Variants in ENTREP1 observed in about 807,000 individuals in gnomAD.
ENTREP1 encodes Friedreich ataxia region gene X123.
chr9:69,374,131 G>A, the ENTREP1 span, among the ~76,000 whole-genome samples: 1 of 152,058 alleles, frequency 6.6e-6, no homozygotes, highest in African/African-American at 2.4e-5. Flanking sequence ...TTTTGTGTCT[G>A]ACTTATTTTG....
chr9:69,367,722 TATATAAAA>T, the ENTREP1 span, among the ~76,000 whole-genome samples: 1 of 69,122 alleles, frequency 1.4e-5, no homozygotes, highest in Non-Finnish European at 3.4e-5. Flanking sequence ...TATACACATA[TATATAAAA>T]ATATATATAT....
At chr9:69,391,493 TCA>T in the ENTREP1 span, 2 of 891,918 alleles carry the variant, frequency 2.2e-6, no homozygotes, top group Non-Finnish European at 3.5e-6. Flanking sequence ...TTTTTCTTTT[TCA>T]AAGCAATTAC....
At chr9:69,364,389 AT>A in the ENTREP1 span, among the ~76,000 whole-genome samples, 64,928 of 150,322 alleles carry the variant, frequency 0.43, 14,309 homozygotes, top group African/African-American at 0.53. Flanking sequence ...CCCTGCAATG[AT>A]TTTTTTTTTT....
the ENTREP1 span, among the ~76,000 whole-genome samples, chr9:69,335,090 G>GT: frequency 0.01 from 1,538 of 152,090 alleles, 23 homozygotes; most frequent in African/African-American, 0.035. Flanking sequence ...TTTTTAGCTC[G>GT]TTTTTTATTG....
chr9:69,387,763 A>C, the ENTREP1 span: 1 of 506,858 alleles, frequency 2.0e-6, no homozygotes, highest in Non-Finnish European at 3.2e-6. Flanking sequence ...TTAATTGACT[A>C]CTTCATCCTC....
the ENTREP1 span, chr9:69,325,415 C>T: frequency 1.8e-4 from 182 of 1,034,550 alleles, no homozygotes; most frequent in Middle Eastern, 0.01. Flanking sequence ...CGCTCAGGAG[C>T]CGCCGCTGCC....
the ENTREP1 span, chr9:69,375,653 C>A: frequency 9.0e-7 from 1 of 1,113,454 alleles, no homozygotes; most frequent in South Asian, 1.4e-5. Flanking sequence ...TCATCTCATT[C>A]TACAGGATTG....
At chr9:69,350,970 A>G in the ENTREP1 span, among the ~76,000 whole-genome samples, 4 of 152,240 alleles carry the variant, frequency 2.6e-5, no homozygotes, top group African/African-American at 9.6e-5. Context: ...TAAAATGAAC[A>G]TGAGTGATTA....
At chr9:69,359,160 C>T in the ENTREP1 span, among the ~76,000 whole-genome samples, 1 of 152,108 alleles carries the variant, frequency 6.6e-6, no homozygotes, top group African/African-American at 2.4e-5. Flanking sequence ...CCCGCCTCAG[C>T]CTCCTAAAGT....
the ENTREP1 span, chr9:69,325,715 G>A: frequency 8.1e-7 from 1 of 1,228,630 alleles, no homozygotes; most frequent in Non-Finnish European, 1.0e-6. Flanking sequence ...GTTCTGGGCC[G>A]GCTCCTCGGT....
the ENTREP1 span, among the ~76,000 whole-genome samples, chr9:69,330,829 A>T: frequency 1.4e-3 from 211 of 152,114 alleles, 1 homozygote; most frequent in Non-Finnish European, 2.1e-3. Context: ...TTCAGTGCTG[A>T]TTTTGTCAGG....
chr9:69,371,660 A>G, the ENTREP1 span: 2 of 1,237,792 alleles, frequency 1.6e-6, no homozygotes, highest in Non-Finnish European at 2.4e-6. Flanking sequence ...CTGGCTTGTC[A>G]GGTGTTCCTG....
chr9:69,332,048 A>T, the ENTREP1 span, among the ~76,000 whole-genome samples: 2,327 of 152,258 alleles, frequency 0.015, 41 homozygotes, highest in African/African-American at 0.051. Context: ...GATGAAATGG[A>T]AGCATCATTC....
chr9:69,342,723 C>T, the ENTREP1 span, among the ~76,000 whole-genome samples: 1 of 152,226 alleles, frequency 6.6e-6, no homozygotes, highest in Non-Finnish European at 1.5e-5. Context: ...GATAAAATCT[C>T]CAAGAGAAGA....
chr9:69,382,872 C>CTT, the ENTREP1 span: 1 of 268,198 alleles, frequency 3.7e-6, no homozygotes, highest in Non-Finnish European at 5.7e-6. Context: ...CTTTTGTTCT[C>CTT]TTTTTTTTTC....
At chr9:69,346,650 C>T in the ENTREP1 span, among the ~76,000 whole-genome samples, 1 of 152,096 alleles carries the variant, frequency 6.6e-6, no homozygotes, top group Non-Finnish European at 1.5e-5. Context: ...CAGACTTTGC[C>T]TATAAATTGT....
chr9:69,367,728 A>AATATATATATACACATATATATAT, the ENTREP1 span, among the ~76,000 whole-genome samples: 1 of 49,148 alleles, frequency 2.0e-5, no homozygotes, highest in African/African-American at 6.2e-5. Flanking sequence ...CATATATATA[A>AATATATATATACACATATATATAT]AAATATATAT....
At chr9:69,385,802 C>T in the ENTREP1 span, 2 of 1,235,666 alleles carry the variant, frequency 1.6e-6, no homozygotes, top group Non-Finnish European at 2.2e-6. Context: ...CAGATGGGGA[C>T]ATTCCTAACA....
At chr9:69,363,759 G>C in the ENTREP1 span, among the ~76,000 whole-genome samples, 9 of 152,162 alleles carry the variant, frequency 5.9e-5, no homozygotes, top group Admixed American at 2.6e-4. Flanking sequence ...CCTGTTGGTT[G>C]AGCTTCACTG....
Sources: allele counts gnomAD v4.1 joint callset (sites outside exome capture counted in the v4.1 genomes callset), GRCh38; gene constraint gnomAD v4.1.1; transcripts MANE v1.5; gene names NCBI Gene and HGNC (gene_info 2026-07-23, HGNC 2026-07-21).